The following BRD10 variants were observed in gnomAD, a reference collection of about 807,000 sequenced individuals.
BRD10 encodes the protein uncharacterized bromodomain-containing protein 10.
chr9:5,987,251 C>T, the BRD10 span, among the ~76,000 whole-genome samples: 1 of 152,062 alleles, frequency 6.6e-6, no homozygotes, highest in African/African-American at 2.4e-5. Context: ...CCTTTGTTCT[C>T]CCTATACCAA....
chr9:5,928,700 G>A, the BRD10 span, among the ~76,000 whole-genome samples: 2 of 152,096 alleles, frequency 1.3e-5, no homozygotes, highest in Admixed American at 6.5e-5. Flanking sequence ...ACTCATCAGG[G>A]AAGCTTTCCC....
At chr9:5,922,210 A>C in the BRD10 span, 1 of 1,614,002 alleles carries the variant, frequency 6.2e-7, no homozygotes. Context: ...TTGCTTCAGA[A>C]GAATCAGCAG....
the BRD10 span, among the ~76,000 whole-genome samples, chr9:5,935,832 T>C: frequency 6.6e-6 from 1 of 152,358 alleles, no homozygotes; most frequent in East Asian, 1.9e-4. Context: ...CTTTAAGTGT[T>C]CCACTACATA....
chr9:5,997,828 A>G, the BRD10 span, among the ~76,000 whole-genome samples: 10 of 152,316 alleles, frequency 6.6e-5, no homozygotes, highest in South Asian at 6.2e-4. Context: ...AACAACACAG[A>G]CAACATTCCT....
chr9:5,988,397 T>G, the BRD10 span: 3 of 1,613,926 alleles, frequency 1.9e-6, no homozygotes, highest in Non-Finnish European at 2.5e-6. Context: ...ACTTGAACCA[T>G]TATAGATTCA....
the BRD10 span, among the ~76,000 whole-genome samples, chr9:5,949,395 C>T: frequency 2.6e-5 from 4 of 151,986 alleles, no homozygotes; most frequent in Non-Finnish European, 5.9e-5. Context: ...ACAACAACAA[C>T]AAAACCCTAA....
chr9:5,936,637 G>A, the BRD10 span, among the ~76,000 whole-genome samples: 1 of 152,104 alleles, frequency 6.6e-6, no homozygotes, highest in Non-Finnish European at 1.5e-5. Context: ...CTAGTAAGAT[G>A]CTAAGAAAGT....
At chr9:6,002,506 C>T in the BRD10 span, among the ~76,000 whole-genome samples, 3 of 151,840 alleles carry the variant, frequency 2.0e-5, no homozygotes, top group African/African-American at 7.3e-5. Flanking sequence ...GAGAAATAAA[C>T]ATTTTGTTAA....
At chr9:5,916,516 CAT>C in the BRD10 span, among the ~76,000 whole-genome samples, 154 of 140,562 alleles carry the variant, frequency 1.1e-3, 2 homozygotes, top group African/African-American at 3.2e-3. Flanking sequence ...TGTATATATA[CAT>C]ATGTGTGTAT....
chr9:5,905,622 A>G, the BRD10 span, among the ~76,000 whole-genome samples: 1 of 152,234 alleles, frequency 6.6e-6, no homozygotes, highest in Non-Finnish European at 1.5e-5. Context: ...ACTGACTTCA[A>G]GTCTTAAGAC....
At chr9:5,891,136 A>G in the BRD10 span, 2 of 152,176 alleles carry the variant, frequency 1.3e-5, no homozygotes, top group African/African-American at 4.8e-5. Context: ...GTCCTCCAAC[A>G]CTACCAAGAA....
At chr9:5,939,862 T>C in the BRD10 span, among the ~76,000 whole-genome samples, 1 of 152,184 alleles carries the variant, frequency 6.6e-6, no homozygotes, top group Non-Finnish European at 1.5e-5. Flanking sequence ...CCAGTGCCAC[T>C]TCTTCAACTA....
At chr9:5,913,441 T>C in the BRD10 span, among the ~76,000 whole-genome samples, 1 of 152,184 alleles carries the variant, frequency 6.6e-6, no homozygotes, top group South Asian at 2.1e-4. Context: ...AAAAGAACTT[T>C]CAGAAGGAAA....
the BRD10 span, chr9:5,922,253 G>C: frequency 1.2e-6 from 2 of 1,613,990 alleles, no homozygotes; most frequent in East Asian, 4.5e-5. Flanking sequence ...GGAACTACCA[G>C]GATTTGTAGA....
chr9:5,988,972 T>C, the BRD10 span, among the ~76,000 whole-genome samples: 1 of 152,170 alleles, frequency 6.6e-6, no homozygotes, highest in African/African-American at 2.4e-5. Flanking sequence ...GGCTCATGCC[T>C]GCAATCTCAG....
chr9:5,921,268 T>C, the BRD10 span: 2 of 1,613,996 alleles, frequency 1.2e-6, no homozygotes, highest in Non-Finnish European at 1.7e-6. Context: ...CTATGTTTAG[T>C]CCAATTTTCA....
At chr9:5,883,773 CT>C in the BRD10 span, among the ~76,000 whole-genome samples, 1 of 152,094 alleles carries the variant, frequency 6.6e-6, no homozygotes, top group African/African-American at 2.4e-5. Context: ...CACCCACCCC[CT>C]ATTCCTTCTT....
At chr9:5,932,643 T>A in the BRD10 span, among the ~76,000 whole-genome samples, 1 of 152,154 alleles carries the variant, frequency 6.6e-6, no homozygotes, top group South Asian at 2.1e-4. Context: ...TACATGGATT[T>A]TGGTATGAAG....
chr9:5,924,944 T>A, the BRD10 span: 1 of 861,036 alleles, frequency 1.2e-6, no homozygotes, highest in South Asian at 3.9e-5. Context: ...GGAAATATTT[T>A]TTATTAAGTC....
Sources: gnomAD v4.1 joint callset for allele counts (sites outside exome capture counted in the v4.1 genomes callset) on GRCh38, gnomAD v4.1.1 for gene constraint, MANE v1.5 for transcripts, NCBI Gene and HGNC (gene_info 2026-07-23, HGNC 2026-07-21) for gene names.